CDH15: variants seen among roughly 807,000 people sequenced by gnomAD.
CDH15 encodes the protein cadherin-15.
In CDH15, 73 loss-of-function variants were observed where a neutral mutation model predicts 69.4. That is an observed-to-expected ratio of 1.05 (90% CI 0.87 to 1.28). The LOEUF (loss-of-function observed/expected upper bound fraction) is 1.28. Ranked by LOEUF, CDH15 falls within the 50% of genes most tolerant of loss-of-function variation. The pLI, the probability that CDH15 is intolerant of heterozygous loss-of-function variation, is 0.00. For missense variants in CDH15, 1,343 were observed against 1,133.6 expected (o/e 1.18, Z -2.65); for synonymous variants, 624 against 507.7 (o/e 1.23, Z -3.08).
intron 5 of CDH15, 139 bp downstream of exon 5, chr16:89,185,472 TGAG>T: frequency 1.0e-6 from 1 of 1,000,946 alleles, no homozygotes. Flanking sequence ...CCCTGGCTCC[TGAG>T]GAGATGGCAT....
At chr16:89,179,720 C>G in intron 2 of CDH15, 146 bp downstream of exon 2, 1 of 821,442 alleles carries the variant, frequency 1.2e-6, no homozygotes, top group Non-Finnish European at 1.9e-6. Context: ...TGCCAGGGCT[C>G]TGGGCTTCCA....
chr16:89,195,427 T>A lies in CDH15; in HGVS notation c.*272T>A. Reference sequence around the variant, plus strand: ...TTGCCTCCTACCAGTGAACCTCATCTTTGTATGAAAGACAGCAACCTCCTG... The same window carrying A: ...TTGCCTCCTACCAGTGAACCTCATCATTGTATGAAAGACAGCAACCTCCTG... On this transcript the variant is annotated 3_prime_UTR_variant, in exon 14 of 14. Transcript: ENST00000289746. 1 of 509,838 alleles carries A rather than the reference T, an allele frequency of 2.0e-6. No individual in the cohort carries two copies. The highest frequency in any genetic ancestry group is 3.5e-6 in the Non-Finnish European group (1 of 286,854). 31.6% of individuals were successfully genotyped at this position (509,838 alleles called of 1,614,324 possible).
At chr16:89,187,989 TG>T in intron 6 of CDH15, 110 bp from the exon 7 acceptor site, 1 of 781,772 alleles carries the variant, frequency 1.3e-6, no homozygotes, top group Non-Finnish European at 1.8e-6. Flanking sequence ...GTGTTCCTGC[TG>T]GGAGGCAGGA....
At chr16:89,179,307 G>T in intron 1 of CDH15, 109 bp from the exon 2 acceptor site, 3 of 1,314,068 alleles carry the variant, frequency 2.3e-6, no homozygotes, top group Admixed American at 3.6e-5. Context: ...CGTGGGCTGA[G>T]GGAAACACTG....
chr16:89,195,387 T>C lies in CDH15; in HGVS notation c.*232T>C. The C allele has an allele frequency of 1.8e-6, 1 of 560,006 alleles. No homozygotes were observed. The highest frequency in any genetic ancestry group is 3.2e-5 in the Admixed American group (1 of 31,702). 34.7% of individuals were successfully genotyped at this position (560,006 alleles called of 1,614,324 possible). On this transcript the variant is annotated 3_prime_UTR_variant, in exon 14 of 14. Coordinates refer to ENST00000289746, the MANE Select transcript of CDH15 (RefSeq NM_004933.3). Reference sequence around the variant, plus strand: ...CTCCATCGGCCCCATGCGGGTCACCTCCCTAGTCCCACCTTTGCCTCCTAC... The same window carrying C: ...CTCCATCGGCCCCATGCGGGTCACCCCCCTAGTCCCACCTTTGCCTCCTAC...
intron 1 of CDH15, among the ~76,000 whole-genome samples, chr16:89,174,132 A>G (rs1915210912): frequency 6.6e-6 from 1 of 152,198 alleles, no homozygotes. Context: ...TGGAGGGGAC[A>G]GCTGCCTCCA....
intron 8 of CDH15, 90 bp downstream of exon 8, chr16:89,190,586 A>C (rs1203455630): frequency 1.3e-6 from 2 of 1,489,418 alleles, no homozygotes; most frequent in African/African-American, 2.8e-5. Context: ...TCTGAGGGTC[A>C]GAGGGTGTAG....
intron 13 of CDH15, among the ~76,000 whole-genome samples, chr16:89,194,478 C>A (rs150595651): frequency 6.6e-6 from 1 of 152,148 alleles, no homozygotes; most frequent in Non-Finnish European, 1.5e-5. Flanking sequence ...ACAGAGCCTC[C>A]GAAAGGCAGA....
intron 1 of CDH15, among the ~76,000 whole-genome samples, chr16:89,172,665 C>T (rs1915181181): frequency 6.6e-6 from 1 of 152,194 alleles, no homozygotes; most frequent in Non-Finnish European, 1.5e-5. Flanking sequence ...CCCCCACACC[C>T]GACATGGGTA....
rs757094923 is a variant in CDH15, at chr16:89,183,740, C to G, written c.502+48C>G. 6.5e-5 allele frequency: 101 copies of G among 1,544,676 alleles called. No individual in the cohort carries two copies. In the South Asian group the frequency reaches 1.2e-3, roughly 18 times the overall value. On this transcript the variant is annotated intron_variant, in intron 4 of 13. Transcript: ENST00000289746. ...GGCCGGGAGGGGCTGCAAGGAAGGG[C>G]TCTGTGAAGTCCAGGACTTCCCTTA...
chr16:89,191,289 G>A, intron 8 of CDH15, 41 bp from the exon 9 acceptor site: 2 of 1,611,922 alleles, frequency 1.2e-6, no homozygotes, highest in Non-Finnish European at 1.7e-6. Flanking sequence ...GTGGGGCCCT[G>A]GGGTAAACTC....
intron 13 of CDH15, 104 bp downstream of exon 13, chr16:89,194,017 T>C: frequency 7.6e-7 from 1 of 1,318,314 alleles, no homozygotes; most frequent in South Asian, 1.2e-5. Flanking sequence ...GGCGCCTGCA[T>C]GCACTTATGG....
Position 89,193,603 on chromosome 16 carries a change from C to A in CDH15, c.1989C>A (p.Asp663Glu), listed in dbSNP as rs769804850. Residue 663 changes from aspartate to glutamate, a missense_variant, in exon 12 of 14, where the codon GAC (aspartate) becomes GAA (glutamate). By Grantham distance (45) the Asp-to-Glu change is conservative (BLOSUM62 2). Transcript: ENST00000289746. ...NYDEQGGGEE[D>E]QDAYDISQLR... ...ATGAGCAAGGAGGCGGGGAGGAGGA[C>A]CAGGTGAGGGGGCAGGTGTGGGTGG... is the stretch of plus-strand genomic sequence containing the variant. The A allele has an allele frequency of 3.1e-6, 5 of 1,595,684 alleles. No homozygotes were observed. The highest frequency in any genetic ancestry group is 4.3e-6 in the Non-Finnish European group (5 of 1,171,982).
Position 89,190,317 on chromosome 16 carries a change from T to C in CDH15, c.1053T>C (p.Ala351=), listed in dbSNP as rs759587629. 3.7e-5 allele frequency: 59 copies of C among 1,612,206 alleles called. No homozygotes were observed. Among genetic ancestry groups the C allele is most frequent in the Admixed American group, 3.3e-5 (2 of 59,924 alleles). ...SVQNEAPLQA[A]ALRAERGQAK... ...AGAATGAGGCCCCGCTGCAGGCGGC[T>C]GCCCTTAGGGCTGAGCGGGGCCAGG... is the stretch of plus-strand genomic sequence containing the variant. The change falls in exon 8 of 14, where the codon GCT becomes GCC. Residue 351 remains alanine, a synonymous_variant. Transcript: ENST00000289746.
intron 4 of CDH15, 70 bp from the exon 5 acceptor site, chr16:89,185,103 C>G: frequency 1.4e-6 from 2 of 1,432,672 alleles, no homozygotes; most frequent in Non-Finnish European, 1.9e-6. Context: ...GGTGCCCCCA[C>G]GCCCCTCACA....
At chr16:89,191,243 G>A (rs1009436155) in intron 8 of CDH15, 87 bp from the exon 9 acceptor site, 59 of 1,455,128 alleles carry the variant, frequency 4.1e-5, no homozygotes, top group Non-Finnish European at 4.8e-5. Context: ...CTGTGTGTGT[G>A]CAGTGCATGT....
At chr16:89,173,428 G>A (rs1333647618) in intron 1 of CDH15, among the ~76,000 whole-genome samples, 2 of 152,162 alleles carry the variant, frequency 1.3e-5, no homozygotes, top group African/African-American at 2.4e-5. Flanking sequence ...CTCCTCAGAA[G>A]CCTTCCCTCT....
intron 7 of CDH15, among the ~76,000 whole-genome samples, chr16:89,188,718 A>T (rs1915556691): frequency 6.9e-6 from 1 of 145,536 alleles, no homozygotes; most frequent in Non-Finnish European, 1.5e-5. Flanking sequence ...GGCGGCACAC[A>T]CAGATGCCGG....
chr16:89,193,620 T>G lies in CDH15; in HGVS notation c.1992+14T>G. 1.3e-6 allele frequency: 2 copies of G among 1,567,200 alleles called. No individual in the cohort carries two copies. Among genetic ancestry groups the G allele is most frequent in the Non-Finnish European group, 1.7e-6 (2 of 1,151,044 alleles). On this transcript the variant is annotated intron_variant, in intron 12 of 13. Transcript: ENST00000289746. ...GAGGAGGACCAGGTGAGGGGGCAGG[T>G]GTGGGTGGGGAGGGGTCCCCAAGGA...
Sources: allele counts gnomAD v4.1 joint callset (sites outside exome capture counted in the v4.1 genomes callset), GRCh38; gene constraint gnomAD v4.1.1; transcripts MANE v1.5; gene names NCBI Gene and HGNC (gene_info 2026-07-23, HGNC 2026-07-21).